NLGN1: variants seen among roughly 807,000 people sequenced by gnomAD.
NLGN1 encodes neuroligin-1.
NLGN1 carries 12 observed loss-of-function variants against 65.5 expected under a neutral mutation model. The observed-to-expected ratio is 0.18, with a 90% CI of 0.12 to 0.30. The LOEUF is 0.30. Ranked by LOEUF, NLGN1 falls within the 10% of genes least tolerant of loss-of-function variation. The pLI, the probability that NLGN1 is intolerant of heterozygous loss-of-function variation, is 1.00. For synonymous variants in NLGN1, 350 were observed against 359.5 expected (o/e 0.97, Z 0.30); for missense variants, 750 against 1,007.1 (o/e 0.74, Z 3.46).
intron 4 of NLGN1, among the ~76,000 whole-genome samples, chr3:174,131,613 A>G (rs1418576156): frequency 6.6e-6 from 1 of 152,242 alleles, no homozygotes; most frequent in Non-Finnish European, 1.5e-5. Flanking sequence ...AAACTTTAAT[A>G]TAAACAGTGT....
chr3:173,645,368 GT>G (rs1758086588), intron 3 of NLGN1, among the ~76,000 whole-genome samples: 1 of 152,200 alleles, frequency 6.6e-6, no homozygotes, highest in Non-Finnish European at 1.5e-5. Flanking sequence ...GCTTTTGGAG[GT>G]TTCAGTCCCC....
chr3:173,899,897 A>G (rs1737017616), intron 4 of NLGN1, among the ~76,000 whole-genome samples: 1 of 152,160 alleles, frequency 6.6e-6, no homozygotes, highest in Admixed American at 6.6e-5. Context: ...TTTCTTAAGG[A>G]TATTAAATAG....
chr3:174,169,991 G>C (rs1397311344), intron 4 of NLGN1, among the ~76,000 whole-genome samples: 4 of 152,148 alleles, frequency 2.6e-5, no homozygotes, highest in African/African-American at 9.7e-5. Flanking sequence ...CACAAAGGGA[G>C]CTTCTCTGTC....
At chr3:173,899,829 T>C (rs1475121561) in intron 4 of NLGN1, among the ~76,000 whole-genome samples, 1 of 152,120 alleles carries the variant, frequency 6.6e-6, no homozygotes, top group African/African-American at 2.4e-5. Context: ...ACACTTATTT[T>C]TAATTTGGAT....
chr3:173,645,622 T>C (rs1758126468), intron 3 of NLGN1, among the ~76,000 whole-genome samples: 1 of 152,158 alleles, frequency 6.6e-6, no homozygotes, highest in South Asian at 2.1e-4. Context: ...GGAAAATTAG[T>C]TCCATGGGGA....
intron 2 of NLGN1, among the ~76,000 whole-genome samples, chr3:173,538,550 C>T (rs989506218): frequency 1.3e-5 from 2 of 152,190 alleles, no homozygotes; most frequent in East Asian, 3.8e-4. Flanking sequence ...AAAATGCTGC[C>T]TCTTCCATAA....
Position 174,279,212 on chromosome 3 carries a change from A to T in NLGN1, c.1211A>T (p.Asp404Val), listed in dbSNP as rs975073453. Reference sequence around the variant, plus strand: ...GTTGAAAATATAGTAGATAGCGATGATGGTATATCAGCTAGTGATTTTGAC... The same window carrying T: ...GTTGAAAATATAGTAGATAGCGATGTTGGTATATCAGCTAGTGATTTTGAC... The change falls in exon 6 of 7, where the codon GAT becomes GTT. Residue 404 changes from aspartate (D) to valine (V), a missense_variant. Transcript: ENST00000457714. The surrounding 1 kb of genome is among the most constrained non-coding windows in gnomAD (Gnocchi z 4.7). The T allele has an allele frequency of 6.2e-7, 1 of 1,613,234 alleles. No individual in the cohort carries two copies. The highest frequency in any genetic ancestry group is 1.3e-5 in the African/African-American group (1 of 74,838).
At chr3:174,128,010 T>G (rs1719323747) in intron 4 of NLGN1, among the ~76,000 whole-genome samples, 1 of 152,182 alleles carries the variant, frequency 6.6e-6, no homozygotes, top group South Asian at 2.1e-4. Flanking sequence ...TCTGTCATTT[T>G]CTCAATGTGT....
At chr3:173,747,955 G>A (rs1429920320) in intron 3 of NLGN1, among the ~76,000 whole-genome samples, 1 of 150,900 alleles carries the variant, frequency 6.6e-6, no homozygotes, top group East Asian at 2.0e-4. Flanking sequence ...CTGGGATTAT[G>A]GGGGTGCCCC....
At chr3:174,096,997 T>G (rs951010412) in intron 4 of NLGN1, among the ~76,000 whole-genome samples, 1 of 152,092 alleles carries the variant, frequency 6.6e-6, no homozygotes, top group Non-Finnish European at 1.5e-5. Flanking sequence ...ATAAGTTTTT[T>G]TTTTTAACTA....
intron 4 of NLGN1, among the ~76,000 whole-genome samples, chr3:174,186,008 A>G (rs1731333796): frequency 6.6e-6 from 1 of 152,050 alleles, no homozygotes; most frequent in Non-Finnish European, 1.5e-5. Flanking sequence ...TTAGACCACA[A>G]TAGGTACCCA....
At chr3:173,539,127 A>G (rs1277582861) in intron 2 of NLGN1, among the ~76,000 whole-genome samples, 2 of 152,020 alleles carry the variant, frequency 1.3e-5, no homozygotes, top group African/African-American at 2.4e-5. Context: ...AGGGTGTCCC[A>G]CAGAGGTCCT....
intron 4 of NLGN1, among the ~76,000 whole-genome samples, chr3:174,183,937 A>G (rs989772418): frequency 1.3e-5 from 2 of 152,204 alleles, no homozygotes; most frequent in African/African-American, 2.4e-5. Context: ...GCTTACGGAC[A>G]ATGTATGTGA....
At chr3:173,727,334 C>G (rs1771967959) in intron 3 of NLGN1, among the ~76,000 whole-genome samples, 2 of 152,140 alleles carry the variant, frequency 1.3e-5, no homozygotes, top group Non-Finnish European at 2.9e-5. Flanking sequence ...ACATATTTTC[C>G]TTTGGAGACC....
At chr3:173,618,935 G>C (rs1028871296) in intron 3 of NLGN1, among the ~76,000 whole-genome samples, 1 of 152,136 alleles carries the variant, frequency 6.6e-6, no homozygotes, top group Non-Finnish European at 1.5e-5. Context: ...GGCAGGGCTG[G>C]CTTCATGGGC....
At chr3:173,977,472 T>C (rs928562811) in intron 4 of NLGN1, among the ~76,000 whole-genome samples, 4 of 152,030 alleles carry the variant, frequency 2.6e-5, no homozygotes, top group African/African-American at 9.7e-5. Context: ...GAAGTTGGAA[T>C]CTGCAGGATC....
At chr3:173,487,079 T>C (rs1728290203) in intron 2 of NLGN1, among the ~76,000 whole-genome samples, 1 of 151,824 alleles carries the variant, frequency 6.6e-6, no homozygotes, top group Non-Finnish European at 1.5e-5. Flanking sequence ...TATTTAAAAA[T>C]CTTAGCATCT....
chr3:174,280,380 C>T lies in NLGN1; in HGVS notation c.1650-101C>T, dbSNP rs879119235. On this transcript the variant is annotated intron_variant, in intron 6 of 6. Transcript: ENST00000457714. The surrounding 1 kb of genome is among the most constrained non-coding windows in gnomAD (Gnocchi z 4.9). ...ATTAATGTTAAAACACAATCTAAAG[C>T]ATTGCTGAGTCATCTATTTAATTAT... The T allele has an allele frequency of 9.4e-5, 74 of 783,144 alleles. No individual in the cohort carries two copies. In the South Asian group the frequency reaches 1.2e-3, roughly 13 times the overall value. 48.5% of individuals were successfully genotyped at this position (783,144 alleles called of 1,614,324 possible). A position where few individuals can be genotyped will look rare whatever the true frequency, so the allele number is the denominator to read the frequency against.
In NLGN1 at chr3:173,564,250, C is replaced by T. The variant is rs770168006; in HGVS notation, c.-320-40029C>T. On this transcript the variant is annotated intron_variant, in intron 2 of 6. Transcript: ENST00000457714. ...GGCACAGGTTTCCGTTAAATGCTTC[C>T]GTATTTTCCTCTATGCTCTTTATAG... Among the ~76,000 whole-genome samples, 79 of 152,202 alleles carry T rather than the reference C, an allele frequency of 5.2e-4. 1 individual carries two copies. Among genetic ancestry groups the T allele is most frequent in the Admixed American group, 1.1e-3 (17 of 15,284 alleles).
Sources: allele counts gnomAD v4.1 joint callset (sites outside exome capture counted in the v4.1 genomes callset), GRCh38; gene constraint gnomAD v4.1.1; non-coding constraint Gnocchi (gnomAD v3.1); transcripts MANE v1.5; gene names NCBI Gene and HGNC (gene_info 2026-07-23, HGNC 2026-07-21).